Variants in IL15RA observed in about 807,000 individuals in gnomAD.
The protein encoded by IL15RA is interleukin 15 receptor subunit alpha.
A neutral mutation model predicts 24.2 loss-of-function variants in IL15RA; 26 were observed. That is an observed-to-expected ratio of 1.07 (90% CI 0.79 to 1.49). The LOEUF is 1.49. Ranked by LOEUF, IL15RA falls within the 40% of genes most tolerant of loss-of-function variation. The probability of loss-of-function intolerance (pLI) is 0.00; values close to 1 mark genes in which losing one functional copy is unlikely to be tolerated. For synonymous variants in IL15RA, 166 were observed against 157.6 expected (o/e 1.05, Z -0.40); for missense variants, 354 against 356.4 (o/e 0.99, Z 0.05).
chr10:5,954,794 T>C (rs1834302091), intron 6 of IL15RA, among the ~76,000 whole-genome samples: 1 of 152,232 alleles, frequency 6.6e-6, no homozygotes, highest in Non-Finnish European at 1.5e-5. Flanking sequence ...AACTCCAAAT[T>C]CAGCATTTTA....
rs960259247 is a variant in IL15RA at position 5,963,649 on chromosome 10, C to T, written c.382+94G>A. 3.0e-6 allele frequency: 2 copies of T among 663,850 alleles called. No individual in the cohort carries two copies. The highest frequency in any genetic ancestry group is 4.8e-6 in the Non-Finnish European group (2 of 412,838). 41.1% of individuals were successfully genotyped at this position (663,850 alleles called of 1,614,324 possible). A position where few individuals can be genotyped will look rare whatever the true frequency, so the allele number is the denominator to read the frequency against. On this transcript the variant is annotated intron_variant, in intron 3 of 6. Coordinates refer to ENST00000379977, the MANE Select transcript of IL15RA (RefSeq NM_002189.4). This position sits in a 1 kb window ranked among gnomAD's most constrained non-coding sequence, Gnocchi z 5.3. ...GCTATTGCCTAAGTCTGCAGTGGCA[C>T]ACCACAGAGGTCCGTGAGTCTGCAG... is the stretch of plus-strand genomic sequence containing the variant.
chr10:5,972,997 A>T (rs1837855515), intron 1 of IL15RA, among the ~76,000 whole-genome samples: 1 of 152,244 alleles, frequency 6.6e-6, no homozygotes, highest in African/African-American at 2.4e-5. Context: ...CCCCAAGTGC[A>T]CTTACACCTT....
Position 5,966,790 on chromosome 10 carries a change from G to A in IL15RA, c.89-451C>T, listed in dbSNP as rs1836624923. On this transcript the variant is annotated intron_variant, in intron 1 of 6. Transcript: ENST00000379977. This position sits in a 1 kb window ranked among gnomAD's most constrained non-coding sequence, Gnocchi z 6.4. ...TGCATCTTTGAGCCTGGCCAACATG[G>A]TGACACCCCATCTTTATTAAAAATA... Among the ~76,000 whole-genome samples, 1 of 152,084 alleles carries A rather than the reference G, an allele frequency of 6.6e-6. No homozygotes were observed. Among genetic ancestry groups the A allele is most frequent in the Non-Finnish European group, 1.5e-5 (1 of 68,020 alleles).
intron 1 of IL15RA, among the ~76,000 whole-genome samples, chr10:5,972,257 G>A (rs1004144811): frequency 1.2e-4 from 18 of 152,152 alleles, no homozygotes; most frequent in Admixed American, 9.8e-4. Context: ...CCAAGAAGAA[G>A]CATTCAAATC....
chr10:5,957,677 C>T (rs3949976), intron 5 of IL15RA, among the ~76,000 whole-genome samples: 79,187 of 149,810 alleles, frequency 0.53, 22,019 homozygotes, highest in African/African-American at 0.7. Flanking sequence ...CTGCAACCTC[C>T]CCCTCCCAGG....
chr10:5,959,368 T>A lies in IL15RA; in HGVS notation c.616+386A>T, dbSNP rs887069621. Among the ~76,000 whole-genome samples, 8 of 152,026 alleles carry A rather than the reference T, an allele frequency of 5.3e-5. No individual in the cohort carries two copies. The highest frequency in any genetic ancestry group is 1.9e-4 in the African/African-American group (8 of 41,388). On this transcript the variant is annotated intron_variant, in intron 5 of 6. Transcript: ENST00000379977. The surrounding 1 kb of genome is among the most constrained non-coding windows in gnomAD (Gnocchi z 4.1). ...CTGTTAAGTGCACGGTGCCACGCCC[T>A]GGAGAGGAATTGGCAGCTTCTGGCA...
At position 5,959,720 on chromosome 10, in the gene IL15RA, A is replaced by G. The variant is rs1302202509; in HGVS notation, c.616+34T>C. On this transcript the variant is annotated intron_variant, in intron 5 of 6. Transcript: ENST00000379977. The surrounding 1 kb of genome is among the most constrained non-coding windows in gnomAD (Gnocchi z 4.1). ...GCACCCTGGGACTGCGGTCACCCTG[A>G]TCATAAACATACCGGACAAAGGGAC... 6.2e-7 allele frequency: 1 copy of G among 1,608,480 alleles called. No individual in the cohort carries two copies. Among genetic ancestry groups the G allele is most frequent in the South Asian group, 1.1e-5 (1 of 90,914 alleles).
downstream of IL15RA, among the ~76,000 whole-genome samples, chr10:5,949,609 G>A (rs1312539007): frequency 1.3e-5 from 2 of 152,166 alleles, no homozygotes; most frequent in East Asian, 1.9e-4. This position sits in a 1 kb window ranked among gnomAD's most constrained non-coding sequence, Gnocchi z 4.4. Context: ...GAACAGGGGG[G>A]TGAGCAGTGA....
At position 5,964,662 on chromosome 10, in the gene IL15RA, G is replaced by A. The variant is rs945892452; in HGVS notation, c.284-821C>T. Among the ~76,000 whole-genome samples, 1 of 152,198 alleles carries A rather than the reference G, an allele frequency of 6.6e-6. No individual in the cohort carries two copies. The highest frequency in any genetic ancestry group is 2.4e-5 in the African/African-American group (1 of 41,432). ...TTTCCTCTCCCATCCTGACCCTGGA[G>A]CCCATAGCTCTTCTCCATCCCGGAT... On this transcript the variant is annotated intron_variant, in intron 2 of 6. Coordinates refer to ENST00000379977, the MANE Select transcript of IL15RA (RefSeq NM_002189.4). The surrounding 1 kb of genome is among the most constrained non-coding windows in gnomAD (Gnocchi z 5.6).
downstream of IL15RA, among the ~76,000 whole-genome samples, chr10:5,951,208 G>A (rs1217079603): frequency 1.3e-5 from 2 of 148,856 alleles, no homozygotes; most frequent in Admixed American, 6.7e-5. Context: ...GCCTGTGCCT[G>A]TAGTCCCAGC....
At chr10:5,951,833 T>A (rs1037082118), downstream of IL15RA, among the ~76,000 whole-genome samples, 22 of 151,888 alleles carry the variant, frequency 1.4e-4, no homozygotes, top group Non-Finnish European at 2.2e-4. Flanking sequence ...AAGAAAAAAA[T>A]TTTTTTTATA....
downstream of IL15RA, among the ~76,000 whole-genome samples, chr10:5,951,524 T>C (rs1217248240): frequency 6.6e-6 from 1 of 152,170 alleles, no homozygotes; most frequent in African/African-American, 2.4e-5. Context: ...CTTATTACTT[T>C]TGTTTTTTAA....
At position 5,960,656 on chromosome 10, in the gene IL15RA, G is replaced by T. The variant is rs1217105124; in HGVS notation, c.383-89C>A. On this transcript the variant is annotated intron_variant, in intron 3 of 6. Coordinates refer to ENST00000379977, the MANE Select transcript of IL15RA (RefSeq NM_002189.4). This position sits in a 1 kb window ranked among gnomAD's most constrained non-coding sequence, Gnocchi z 5.1. ...ACGGGGTGATGTGGGAGCTGCCATA[G>T]TGAGTCACCCTGACCAGCCCTCCCT... is the stretch of plus-strand genomic sequence containing the variant. 4 of 1,118,770 alleles carry T rather than the reference G, an allele frequency of 3.6e-6. No homozygotes were observed. The highest frequency in any genetic ancestry group is 5.3e-6 in the Non-Finnish European group (4 of 753,732). 69.3% of individuals were successfully genotyped at this position (1,118,770 alleles called of 1,614,324 possible).
rs920352464 is a variant in IL15RA at position 5,955,296 on chromosome 10, T to C, written c.692+1083A>G. On this transcript the variant is annotated intron_variant, in intron 6 of 6. Coordinates refer to ENST00000379977, the MANE Select transcript of IL15RA (RefSeq NM_002189.4). This position sits in a 1 kb window ranked among gnomAD's most constrained non-coding sequence, Gnocchi z 5.3. ...GTATTTTTAGTAGAGACAGGGTTTC[T>C]CCATGTTGGTCAGGCTGGTCTCGAA... Among the ~76,000 whole-genome samples the C allele has an allele frequency of 6.6e-6, 1 of 152,106 alleles. No individual in the cohort carries two copies. The highest frequency in any genetic ancestry group is 2.4e-5 in the African/African-American group (1 of 41,508).
downstream of IL15RA, chr10:5,949,433 A>G (rs12250688): frequency 0.038 from 17,851 of 465,298 alleles, 724 homozygotes; most frequent in African/African-American, 0.15. The surrounding 1 kb of genome is among the most constrained non-coding windows in gnomAD (Gnocchi z 4.4). Context: ...ATTAGTGCCT[A>G]GCAGTGTGAG....
At chr10:5,974,841 C>T (rs370704463) in intron 1 of IL15RA, among the ~76,000 whole-genome samples, 1 of 151,906 alleles carries the variant, frequency 6.6e-6, no homozygotes, top group Non-Finnish European at 1.5e-5. Flanking sequence ...GGAGCCACTG[C>T]ACTTCAGTCT....
intron 1 of IL15RA, among the ~76,000 whole-genome samples, chr10:5,969,356 AAATT>A (rs1837198377): frequency 0.051 from 18 of 354 alleles, no homozygotes; most frequent in Admixed American, 0.27. Context: ...TAAATTTTTT[AAATT>A]AAATTAAATT....
In IL15RA at chr10:5,959,689, C is replaced by G. The variant is rs1421915364; in HGVS notation, c.616+65G>C. ...TGGGGCAGCGGGCCTGGGCCAGGAC[C>G]ACCCAGCACCCTGGGACTGCGGTCA... On this transcript the variant is annotated intron_variant, in intron 5 of 6. Transcript: ENST00000379977. This position sits in a 1 kb window ranked among gnomAD's most constrained non-coding sequence, Gnocchi z 4.1. 1.3e-6 allele frequency: 2 copies of G among 1,491,968 alleles called. No individual in the cohort carries two copies. The highest frequency in any genetic ancestry group is 1.7e-5 in the Admixed American group (1 of 59,818). The allele number at this position is 1,491,968 out of a possible 1,614,324, so 92.4% of individuals were successfully genotyped here. A position where few individuals can be genotyped will look rare whatever the true frequency, so the allele number is the denominator to read the frequency against.
chr10:5,968,601 G>GC lies in IL15RA; in HGVS notation c.89-2263dup, dbSNP rs1372043665. ...TGCTGTTGCTATGGTTACCTGCAGA[G>GC]CCCCACTGGCTTTGAGGCCTCTGGT... On this transcript the variant is annotated intron_variant, in intron 1 of 6. Transcript: ENST00000379977. This position sits in a 1 kb window ranked among gnomAD's most constrained non-coding sequence, Gnocchi z 5.4. The GC allele has an allele frequency of 3.4e-6, 2 of 591,290 alleles. No individual in the cohort carries two copies. The highest frequency in any genetic ancestry group is 2.8e-5 in the East Asian group (1 of 35,966). The allele number at this position is 591,290 out of a possible 1,614,324, so 36.6% of individuals were successfully genotyped here. A position where few individuals can be genotyped will look rare whatever the true frequency, so the allele number is the denominator to read the frequency against.
Sources: allele counts gnomAD v4.1 joint callset (sites outside exome capture counted in the v4.1 genomes callset), GRCh38; gene constraint gnomAD v4.1.1; non-coding constraint Gnocchi (gnomAD v3.1); transcripts MANE v1.5; gene names NCBI Gene and HGNC (gene_info 2026-07-23, HGNC 2026-07-21).